Variants in CPS1 observed in about 807,000 individuals in gnomAD.
CPS1 encodes the protein carbamoyl-phosphate synthase 1, also known as carbamoyl-phosphate synthase [ammonia], mitochondrial.
In CPS1, 109 loss-of-function variants were observed where a neutral mutation model predicts 174.6. The observed-to-expected ratio is 0.62, with a 90% CI of 0.53 to 0.73. CPS1 has a LOEUF of 0.73. CPS1 is among the 30% of genes least tolerant of loss of function. The probability of loss-of-function intolerance (pLI) is 0.00; values close to 1 mark genes in which losing one functional copy is unlikely to be tolerated. For missense variants in CPS1, 1,689 were observed against 1,821.9 expected, an observed-to-expected ratio of 0.93 and a Z score of 1.33; for synonymous variants, 637 against 632.0, an observed-to-expected ratio of 1.01 and a Z score of -0.12.
chr2:210,655,400 C>T lies in CPS1; in HGVS notation c.3559-1125C>T, dbSNP rs773714608. Among the ~76,000 whole-genome samples the T allele has an allele frequency of 3.0e-4, 45 of 152,250 alleles. No homozygotes were observed. The Middle Eastern group carries it at 0.01, about 35-fold the overall frequency. On this transcript the variant is annotated intron_variant, in intron 29 of 37. Transcript: ENST00000233072. ...TTCTCAGATATCAACTATTGCACAT[C>T]GTCCTGTACTCCCTCTTTTGGAAAT...
At chr2:210,588,554 G>A (rs1004927127) in intron 7 of CPS1, among the ~76,000 whole-genome samples, 6 of 152,002 alleles carry the variant, frequency 3.9e-5, no homozygotes, top group African/African-American at 4.8e-5. Flanking sequence ...GACAGAGTAC[G>A]AACTTTCACA....
chr2:210,574,219 G>T (rs927224139), intron 2 of CPS1, among the ~76,000 whole-genome samples: 2 of 151,986 alleles, frequency 1.3e-5, no homozygotes, highest in African/African-American at 4.8e-5. Flanking sequence ...CTAATTTACA[G>T]CTGGGGATTT....
rs746157712 is a variant in CPS1, at chr2:210,591,770, A to G, written c.948-61A>G. On this transcript the variant is annotated intron_variant, in intron 9 of 37. Coordinates refer to ENST00000233072, the MANE Select transcript of CPS1 (RefSeq NM_001875.5). ...ACTTGTTCACTACTTTATAAGGAAT[A>G]CATTTATATTATTCTCTTCACTTTT... is the stretch of plus-strand genomic sequence containing the variant. 4 of 1,558,106 alleles carry G rather than the reference A, an allele frequency of 2.6e-6. No individual in the cohort carries two copies. The East Asian group carries it at 6.8e-5, about 26-fold the overall frequency.
intron 1 of CPS1, among the ~76,000 whole-genome samples, chr2:210,535,819 G>GTTTTTTT (rs67369344): frequency 8.5e-6 from 1 of 118,210 alleles, no homozygotes; most frequent in Non-Finnish European, 1.7e-5. Flanking sequence ...CTTTTTCCTT[G>GTTTTTTT]TTTTTTTTTT....
chr2:210,505,401 A>G (rs1316455935), intron 1 of CPS1, among the ~76,000 whole-genome samples: 1 of 152,096 alleles, frequency 6.6e-6, no homozygotes, highest in Non-Finnish European at 1.5e-5. Context: ...TAGAAGACTC[A>G]GTTGGAAACA....
At chr2:210,548,433 A>G (rs952012911) in intron 1 of CPS1, among the ~76,000 whole-genome samples, 1 of 152,068 alleles carries the variant, frequency 6.6e-6, no homozygotes, top group African/African-American at 2.4e-5. Flanking sequence ...CAACAACATT[A>G]CATATTTTTC....
intron 27 of CPS1, 59 bp from the exon 28 acceptor site, chr2:210,650,304 C>A: frequency 1.5e-6 from 2 of 1,370,540 alleles, no homozygotes; most frequent in Non-Finnish European, 2.1e-6. Context: ...GTTCTGAGAA[C>A]CAGTCAAGTC....
At chr2:210,672,332 A>G (rs1349178995) in intron 34 of CPS1, 1 of 152,218 alleles carries the variant, frequency 6.6e-6, no homozygotes, top group Non-Finnish European at 1.5e-5. Context: ...TTAATGTATC[A>G]ATTAGCAAGT....
Position 210,605,119 on chromosome 2 carries a change from C to A in CPS1, c.1854C>A (p.Asn618Lys), listed in dbSNP as rs1329765894. The change falls in exon 17 of 38, where the codon AAC becomes AAA. Residue 618 changes from asparagine (N) to lysine (K), a missense_variant. Asn to Lys is a moderately conservative substitution (Grantham distance 94). Coordinates refer to ENST00000233072, the MANE Select transcript of CPS1 (RefSeq NM_001875.5). ...DLSTKAFAMT[N>K]QILVEKSVTG... is the part of the protein sequence containing the mutation. ...ATTTCTAGGCCTTTGCTATGACCAA[C>A]CAAATTCTGGTGGAGAAGTCAGTGA... The A allele has an allele frequency of 6.2e-7, 1 of 1,611,860 alleles. No individual in the cohort carries two copies. Among genetic ancestry groups the A allele is most frequent in the Admixed American group, 1.7e-5 (1 of 59,808 alleles).
chr2:210,574,971 C>T (rs1480753446), intron 2 of CPS1, among the ~76,000 whole-genome samples: 1 of 151,966 alleles, frequency 6.6e-6, no homozygotes, highest in East Asian at 1.9e-4. Flanking sequence ...TTACGTGCCT[C>T]ACTCAGTAAG....
chr2:210,672,397 A>G (rs1455518711), intron 34 of CPS1: 1 of 152,176 alleles, frequency 6.6e-6, no homozygotes, highest in Admixed American at 6.5e-5. Context: ...ACTGAAGTCT[A>G]TTCTGTGTTT....
At chr2:210,600,457 G>T (rs773353935) in intron 14 of CPS1, 98 bp from the exon 15 acceptor site, 2 of 1,238,134 alleles carry the variant, frequency 1.6e-6, no homozygotes, top group African/African-American at 1.5e-5. Flanking sequence ...GTAACTTCTC[G>T]GATTTTAAGA....
rs753441052 is a variant in CPS1 at position 210,606,775 on chromosome 2, G to A, written c.2026G>A (p.Glu676Lys). 5.5e-5 allele frequency: 89 copies of A among 1,612,514 alleles called. No individual in the cohort carries two copies. In the Middle Eastern group the frequency reaches 6.6e-4, roughly 12 times the overall value. Residue 676 changes from glutamate to lysine, a missense_variant, in exon 18 of 38, where the codon GAG becomes AAG. Coordinates refer to ENST00000233072, the MANE Select transcript of CPS1 (RefSeq NM_001875.5). ...VAPAQTLSNA[E>K]FQMLRRTSIN... Reference sequence around the variant, plus strand: ...TCCTGCCCAGACACTCTCCAATGCCGAGTTTCAGATGTTGAGACGTACTTC... The same window carrying A: ...TCCTGCCCAGACACTCTCCAATGCCAAGTTTCAGATGTTGAGACGTACTTC...
chr2:210,596,968 A>T (rs1395493570), intron 13 of CPS1, among the ~76,000 whole-genome samples: 2 of 151,824 alleles, frequency 1.3e-5, no homozygotes, highest in Admixed American at 6.6e-5. Flanking sequence ...TTGCAACAAG[A>T]ATTAGAAAAA....
At chr2:210,492,937 A>C (rs1694907495) in intron 1 of CPS1, among the ~76,000 whole-genome samples, 1 of 152,300 alleles carries the variant, frequency 6.6e-6, no homozygotes, top group Non-Finnish European at 1.5e-5. Flanking sequence ...TAATAATAAT[A>C]AATTCAAAGT....
chr2:210,500,584 T>A (rs1313884243), intron 1 of CPS1, among the ~76,000 whole-genome samples: 1 of 152,078 alleles, frequency 6.6e-6, no homozygotes, highest in African/African-American at 2.4e-5. Flanking sequence ...AACTTAAAGC[T>A]CCAAAATGAT....
At chr2:210,672,322 T>C (rs1701337222) in intron 34 of CPS1, 1 of 152,210 alleles carries the variant, frequency 6.6e-6, no homozygotes, top group Non-Finnish European at 1.5e-5. Flanking sequence ...GAGTGCATGA[T>C]TAATGTATCA....
intron 1 of CPS1, among the ~76,000 whole-genome samples, chr2:210,541,011 G>T (rs990235256): frequency 6.6e-6 from 1 of 152,136 alleles, no homozygotes; most frequent in African/African-American, 2.4e-5. Flanking sequence ...ACAGTCATTA[G>T]TTACACAAGA....
Position 210,577,593 on chromosome 2 carries a change from AG to A in CPS1, c.471+85del, listed in dbSNP as rs528932134. ...AGATTCAGAAGTGCCAAGCAGACAGAGGAAGATCATGTAGTTTGGGATCTTT... is the reference window on the plus strand; with the variant it reads ...AGATTCAGAAGTGCCAAGCAGACAGAGAAGATCATGTAGTTTGGGATCTTT... On this transcript the variant is annotated intron_variant, in intron 4 of 37. Transcript: ENST00000233072. The A allele has an allele frequency of 3.7e-4, 363 of 982,604 alleles. No homozygotes were observed. The African/African-American group carries it at 5.0e-3, about 13-fold the overall frequency. 60.9% of individuals were successfully genotyped at this position (982,604 alleles called of 1,614,324 possible).
Sources: gnomAD v4.1 joint callset for allele counts (sites outside exome capture counted in the v4.1 genomes callset) on GRCh38, gnomAD v4.1.1 for gene constraint, MANE v1.5 for transcripts, NCBI Gene and HGNC (gene_info 2026-07-23, HGNC 2026-07-21) for gene names.